The following ERICH6 variants were observed in gnomAD, a reference collection of about 807,000 sequenced individuals.
ERICH6 encodes the protein glutamate rich 6, also known as glutamate-rich protein 6.
ERICH6 carries 71 observed loss-of-function variants against 71.0 expected under a neutral mutation model. That is an observed-to-expected ratio of 1.00 (90% confidence interval 0.83 to 1.22). ERICH6 has a LOEUF of 1.22. Ranked by LOEUF, ERICH6 falls within the 50% of genes most tolerant of loss-of-function variation. The pLI is 0.00. For missense variants in ERICH6, 808 were observed against 797.2 expected (o/e 1.01, Z -0.16); for synonymous variants, 262 against 278.4 (o/e 0.94, Z 0.59).
At chr3:150,669,729 C>T (rs1711497433) in intron 11 of ERICH6, among the ~76,000 whole-genome samples, 1 of 152,170 alleles carries the variant, frequency 6.6e-6, no homozygotes, top group African/African-American at 2.4e-5. Flanking sequence ...GTTGGTTTAA[C>T]ATCTGAAAAT....
At chr3:150,697,441 C>T (rs773575096) in intron 3 of ERICH6, among the ~76,000 whole-genome samples, 6 of 152,144 alleles carry the variant, frequency 3.9e-5, no homozygotes, top group Non-Finnish European at 7.4e-5. Context: ...ACTTATTTCA[C>T]TCTCCTTTGA....
At chr3:150,692,319 C>T (rs1209413903) in intron 3 of ERICH6, among the ~76,000 whole-genome samples, 1 of 151,968 alleles carries the variant, frequency 6.6e-6, no homozygotes, top group African/African-American at 2.4e-5. Flanking sequence ...AAGGTTTTTG[C>T]TCTTTTTTTG....
intron 3 of ERICH6, among the ~76,000 whole-genome samples, chr3:150,692,803 G>A (rs543057601): frequency 1.3e-5 from 2 of 152,140 alleles, no homozygotes; most frequent in Non-Finnish European, 2.9e-5. Flanking sequence ...TTGTTATCTT[G>A]TTTTGGTGCA....
Position 150,685,686 on chromosome 3 carries a change from T to C in ERICH6, c.783+56A>G. ...TCACTGTCTATTGTGCAAATCATTA[T>C]GTTTTCTTATGTCATTTTTTTAAGA... is the stretch of plus-strand genomic sequence containing the variant. On this transcript the variant is annotated intron_variant, in intron 6 of 13. Transcript: ENST00000295910. The C allele has an allele frequency of 2.9e-6, 4 of 1,392,742 alleles. No individual in the cohort carries two copies. In the Admixed American group the frequency reaches 7.3e-5, roughly 26 times the overall value. 86.3% of individuals were successfully genotyped at this position (1,392,742 alleles called of 1,614,324 possible).
chr3:150,678,242 T>C (rs761533782), intron 10 of ERICH6, among the ~76,000 whole-genome samples, 167 bp downstream of exon 10: 1 of 152,212 alleles, frequency 6.6e-6, no homozygotes, highest in Non-Finnish European at 1.5e-5. Context: ...CCCAAACATA[T>C]GACATTGTTA....
intron 12 of ERICH6, among the ~76,000 whole-genome samples, chr3:150,668,110 G>A (rs894262352): frequency 2.6e-5 from 4 of 152,146 alleles, no homozygotes; most frequent in Non-Finnish European, 5.9e-5. Context: ...TGTCTAGGAA[G>A]GGAAGATTTA....
At chr3:150,679,635 C>T (rs768587513) in intron 9 of ERICH6, among the ~76,000 whole-genome samples, 1 of 151,946 alleles carries the variant, frequency 6.6e-6, no homozygotes, top group African/African-American at 2.4e-5. Flanking sequence ...CCAACTTATA[C>T]GACAACTAAT....
intron 7 of ERICH6, 53 bp downstream of exon 7, chr3:150,682,165 A>G (rs1220293036): frequency 4.2e-6 from 6 of 1,418,310 alleles, no homozygotes; most frequent in Non-Finnish European, 5.9e-6. Flanking sequence ...AGAAAATACT[A>G]CATATGTTTA....
intron 3 of ERICH6, among the ~76,000 whole-genome samples, chr3:150,696,226 A>AG: frequency 6.8e-6 from 1 of 146,962 alleles, no homozygotes; most frequent in Admixed American, 7.0e-5. Flanking sequence ...GGACTGGTTA[A>AG]GGAGTAGTAT....
intron 2 of ERICH6, among the ~76,000 whole-genome samples, chr3:150,700,652 C>T (rs910498089): frequency 6.6e-6 from 1 of 151,822 alleles, no homozygotes; most frequent in African/African-American, 2.4e-5. Flanking sequence ...GGTATGATCT[C>T]GGCTCACTGC....
chr3:150,693,643 G>T lies in ERICH6; in HGVS notation c.553+5148C>A, dbSNP rs116620399. ...ATAATTACTTTTTTTTTACTGCACT[G>T]TATACAAATGATTAGGCCAAGTATA... On this transcript the variant is annotated intron_variant, in intron 3 of 13. Transcript: ENST00000295910. 8.2e-3 allele frequency among the ~76,000 whole-genome samples: 1,248 copies of T among 152,114 alleles called. 18 individuals are homozygous for T. The highest frequency in any genetic ancestry group is 0.028 in the African/African-American group (1,181 of 41,486).
At chr3:150,690,226 T>C (rs1712374763) in intron 3 of ERICH6, among the ~76,000 whole-genome samples, 1 of 152,210 alleles carries the variant, frequency 6.6e-6, no homozygotes, top group Non-Finnish European at 1.5e-5. Flanking sequence ...TGATTTGGCA[T>C]CCATCTTTAA....
At position 150,660,070 on chromosome 3, in the gene ERICH6, C is replaced by A. The variant is rs200586444; in HGVS notation, c.1814G>T (p.Arg605Leu). 4 of 1,613,884 alleles carry A rather than the reference C, an allele frequency of 2.5e-6. No individual in the cohort carries two copies. Among genetic ancestry groups the A allele is most frequent in the Admixed American group, 1.7e-5 (1 of 59,978 alleles). Residue 605 changes from arginine to leucine, a missense_variant, in exon 14 of 14, where the codon CGC becomes CTC. This residue lies in a region of ERICH6 where 736 missense variants were observed against 712.2 expected (regional missense o/e 1.03). Coordinates refer to ENST00000295910, the MANE Select transcript of ERICH6 (RefSeq NM_152394.5). The stretch of plus-strand genomic sequence containing the variant: ...ACATCCTTCAAGTTTATGAAACAGG[C>A]GACGGATCTTTATTAAACTGGCCAG... Reference protein sequence around the residue: ...LLLASLIKIRRLFHKLEGCVN... With the variant: ...LLLASLIKIRLLFHKLEGCVN...
intron 13 of ERICH6, among the ~76,000 whole-genome samples, chr3:150,663,426 CAA>C (rs143829458): frequency 0.022 from 3,279 of 152,224 alleles, 130 homozygotes; most frequent in African/African-American, 0.075. Flanking sequence ...GAGACTGGAT[CAA>C]GTGTTGAAAT....
chr3:150,696,834 C>T (rs62285375), intron 3 of ERICH6, among the ~76,000 whole-genome samples: 4 of 152,040 alleles, frequency 2.6e-5, no homozygotes, highest in Non-Finnish European at 5.9e-5. Context: ...TTTTGATGGA[C>T]GCATACTTTG....
Position 150,703,547 on chromosome 3 carries a change from T to A in ERICH6, c.352A>T (p.Ser118Cys). The A allele has an allele frequency of 6.2e-7, 1 of 1,612,712 alleles. No homozygotes were observed. The highest frequency in any genetic ancestry group is 8.5e-7 in the Non-Finnish European group (1 of 1,179,440). Residue 118 changes from serine to cysteine, a missense_variant, in exon 1 of 14, where the codon AGC (serine) becomes TGC (cysteine). This residue lies in a region of ERICH6 where 736 missense variants were observed against 712.2 expected (regional missense o/e 1.03). Coordinates refer to ENST00000295910, the MANE Select transcript of ERICH6 (RefSeq NM_152394.5). ...STFVPSQSAT[S>C]TETPSASPPS... ...GGGCTTGCGCTCGGCGTTTCAGTGC[T>A]GGTCGCGCTCTGGCTGGGCACGAAC...
At chr3:150,702,267 AG>A in intron 1 of ERICH6, 89 bp from the exon 2 acceptor site, 4 of 406,038 alleles carry the variant, frequency 9.9e-6, no homozygotes, top group Non-Finnish European at 1.8e-5. Flanking sequence ...CAATGTCTGG[AG>A]ACTTTTTTTT....
chr3:150,692,241 A>C (rs1310981168), intron 3 of ERICH6, among the ~76,000 whole-genome samples: 5 of 152,150 alleles, frequency 3.3e-5, no homozygotes, highest in African/African-American at 1.2e-4. Context: ...AAACAAATTT[A>C]ATTGGCTTCA....
At position 150,674,715 on chromosome 3, in the gene ERICH6, T is replaced by A. The variant is rs186524121; in HGVS notation, c.1258-674A>T. 1.5e-3 allele frequency among the ~76,000 whole-genome samples: 221 copies of A among 152,342 alleles called. 2 individuals carry two copies. The highest frequency in any genetic ancestry group is 6.8e-4 in the Non-Finnish European group (46 of 68,034). Reference sequence around the variant, plus strand: ...AAAGAATGATCAAAGAGTGTCATCTTTAAAATATTTCCTCTGCCTATCCAT... The same window carrying A: ...AAAGAATGATCAAAGAGTGTCATCTATAAAATATTTCCTCTGCCTATCCAT... On this transcript the variant is annotated intron_variant, in intron 10 of 13. Coordinates refer to ENST00000295910, the MANE Select transcript of ERICH6 (RefSeq NM_152394.5).
Sources: allele counts gnomAD v4.1 joint callset (sites outside exome capture counted in the v4.1 genomes callset), GRCh38; gene constraint gnomAD v4.1.1; regional missense constraint gnomAD v4.1.1; transcripts MANE v1.5; gene names NCBI Gene and HGNC (gene_info 2026-07-23, HGNC 2026-07-21).